The following BOD1L2 variants were observed in gnomAD, a reference collection of about 807,000 sequenced individuals.
BOD1L2 encodes the protein biorientation of chromosomes in cell division 1 like 2.
Under a neutral mutation model 5.3 loss-of-function variants are expected in BOD1L2, and 6 were observed. The ratio of observed to expected loss-of-function variants is 1.14; its 90% CI spans 0.62 to 2.25. The LOEUF is 2.25. BOD1L2 is among the 30% of genes most tolerant of loss of function. BOD1L2 has a pLI of 0.00. For missense variants in BOD1L2, 210 were observed against 227.2 expected (o/e 0.92, Z 0.49); for synonymous variants, 96 against 96.3 (o/e 1.00, Z 0.02).
Position 57,147,425 on chromosome 18 carries a change from T to C in BOD1L2, c.113T>C (p.Leu38Pro). 1 of 1,541,714 alleles carries C rather than the reference T, an allele frequency of 6.5e-7. No homozygotes were observed. Among genetic ancestry groups the C allele is most frequent in the South Asian group, 1.2e-5 (1 of 84,326 alleles). Residue 38 changes from leucine to proline, a missense_variant, in exon 1 of 1, where the codon CTC becomes CCC. Physicochemically the swap from Leu to Pro is moderately conservative, Grantham distance 98. Coordinates refer to ENST00000585477, the MANE Select transcript of BOD1L2 (RefSeq NM_001257964.2). ...PASLPPGDPQ[L>P]IAIIVGQLKS... ...TCGTTGCCCCCTGGCGACCCTCAGC[T>C]CATCGCTATCATCGTGGGGCAGCTC...
In BOD1L2 at chr18:57,148,027, C is replaced by T. The variant is rs2048936021; in HGVS notation, c.*196C>T. On this transcript the variant is annotated 3_prime_UTR_variant, in exon 1 of 1. Coordinates refer to ENST00000585477, the MANE Select transcript of BOD1L2 (RefSeq NM_001257964.2). Reference sequence around the variant, plus strand: ...GAGAGAAAGTTGACCGTGGCACCCTCCTGCATTGCGCTGCCATTTGGCCAG... The same window carrying T: ...GAGAGAAAGTTGACCGTGGCACCCTTCTGCATTGCGCTGCCATTTGGCCAG... 1.7e-6 allele frequency: 1 copy of T among 589,974 alleles called. No homozygotes were observed. Among genetic ancestry groups the T allele is most frequent in the Non-Finnish European group, 2.9e-6 (1 of 348,234 alleles). 36.5% of individuals were successfully genotyped at this position (589,974 alleles called of 1,614,324 possible).
Position 57,149,871 on chromosome 18 carries a change from T to A in BOD1L2, c.*2040T>A, listed in dbSNP as rs1044466962. The A allele has an allele frequency of 2.6e-5, 4 of 152,158 alleles. No homozygotes were observed. The highest frequency in any genetic ancestry group is 4.8e-5 in the African/African-American group (2 of 41,446). The allele number at this position is 152,158 out of a possible 1,614,324, so 9.4% of individuals were successfully genotyped here. A position where few individuals can be genotyped will look rare whatever the true frequency, so the allele number is the denominator to read the frequency against. On this transcript the variant is annotated 3_prime_UTR_variant, in exon 1 of 1. Coordinates refer to ENST00000585477, the MANE Select transcript of BOD1L2 (RefSeq NM_001257964.2). ...GCTTTTAAGAAATGTGTTGCGGAAG[T>A]GATTTTTGGTTTGGGGTTTGTTCTC...
rs79220676 is a variant in BOD1L2 at position 57,147,540 on chromosome 18, G to A, written c.228G>A (p.Ala76=). The A allele has an allele frequency of 0.035, 56,734 of 1,608,554 alleles. 1,250 individuals are homozygous for A. The highest frequency in any genetic ancestry group is 0.098 in the Admixed American group (5,775 of 59,212). The change falls in exon 1 of 1, where the codon GCG becomes GCA. Residue 76 remains alanine, a synonymous_variant. Coordinates refer to ENST00000585477, the MANE Select transcript of BOD1L2 (RefSeq NM_001257964.2). ...KPAYQNLSQK[A]DNFVSTHLDK... ...CTTACCAAAACCTGAGCCAGAAAGC[G>A]GATAATTTTGTGTCGACACATCTGG...
Position 57,147,384 on chromosome 18 carries a change from C to A in BOD1L2, c.72C>A (p.Gly24=). 1 of 1,528,122 alleles carries A rather than the reference C, an allele frequency of 6.5e-7. No homozygotes were observed. Among genetic ancestry groups the A allele is most frequent in the Admixed American group, 2.0e-5 (1 of 50,378 alleles). The allele number at this position is 1,528,122 out of a possible 1,614,324, so 94.7% of individuals were successfully genotyped here. A position where few individuals can be genotyped will look rare whatever the true frequency, so the allele number is the denominator to read the frequency against. ...PASTRASGGG[G]PINPASLPPG... ...CGACCCGGGCCAGCGGGGGCGGCGG[C>A]CCCATCAACCCGGCCTCGTTGCCCC... Residue 24 remains glycine (G), a synonymous_variant, in exon 1 of 1, where the codon GGC becomes GGA. Coordinates refer to ENST00000585477, the MANE Select transcript of BOD1L2 (RefSeq NM_001257964.2).
chr18:57,147,113 A>G lies in BOD1L2; in HGVS notation c.-200A>G, dbSNP rs991030195. ...GGCGGTTGCTGCCGCGTCTTCCACA[A>G]CCTCCGCGGTCTGGAGCTGGCCTCC... On this transcript the variant is annotated 5_prime_UTR_variant, in exon 1 of 1. Transcript: ENST00000585477. 1.4e-6 allele frequency: 1 copy of G among 713,464 alleles called. No individual in the cohort carries two copies. The highest frequency in any genetic ancestry group is 7.9e-5 in the East Asian group (1 of 12,586). The allele number at this position is 713,464 out of a possible 1,614,324, so 44.2% of individuals were successfully genotyped here.
rs1044001479 is a variant in BOD1L2, at chr18:57,147,993, A to G, written c.*162A>G. The G allele has an allele frequency of 3.6e-6, 3 of 825,830 alleles. No homozygotes were observed. Among genetic ancestry groups the G allele is most frequent in the Non-Finnish European group, 3.6e-6 (2 of 550,288 alleles). The allele number at this position is 825,830 out of a possible 1,614,324, so 51.2% of individuals were successfully genotyped here. A position where few individuals can be genotyped will look rare whatever the true frequency, so the allele number is the denominator to read the frequency against. On this transcript the variant is annotated 3_prime_UTR_variant, in exon 1 of 1. Transcript: ENST00000585477. ...CAGTGACCAGATTGAAAGGGAAGCA[A>G]GTTCGCCAGAGAGAAAGTTGACCGT...
In BOD1L2 at chr18:57,147,397, G is replaced by A; in HGVS notation, c.85G>A (p.Ala29Thr). 3.3e-6 allele frequency: 5 copies of A among 1,535,710 alleles called. No homozygotes were observed. Among genetic ancestry groups the A allele is most frequent in the South Asian group, 1.2e-5 (1 of 83,990 alleles). The change falls in exon 1 of 1, where the codon GCC (alanine) becomes ACC (threonine). Residue 29 changes from alanine to threonine, a missense_variant. Physicochemically the swap from Ala to Thr is moderately conservative, Grantham distance 58. Coordinates refer to ENST00000585477, the MANE Select transcript of BOD1L2 (RefSeq NM_001257964.2). ...CGGGGGCGGCGGCCCCATCAACCCG[G>A]CCTCGTTGCCCCCTGGCGACCCTCA... Reference protein sequence around the residue: ...ASGGGGPINPASLPPGDPQLI... With the variant: ...ASGGGGPINPTSLPPGDPQLI...
rs781491610 is a variant in BOD1L2, at chr18:57,147,597, C to T, written c.285C>T (p.Asp95=). Residue 95 remains aspartate (D), a synonymous_variant, in exon 1 of 1, where the codon GAC becomes GAT. Transcript: ENST00000585477. ...DKQEWNPPAN[D]NQLHDGLRQS... The stretch of plus-strand genomic sequence containing the variant: ...AGGAATGGAATCCTCCAGCAAACGA[C>T]AACCAACTGCACGATGGTCTGAGGC... 1.9e-6 allele frequency: 3 copies of T among 1,609,704 alleles called. No homozygotes were observed. The highest frequency in any genetic ancestry group is 1.7e-6 in the Non-Finnish European group (2 of 1,178,362).
At position 57,147,348 on chromosome 18, in the gene BOD1L2, G is replaced by A. The variant is rs1042038255; in HGVS notation, c.36G>A (p.Ala12=). The change falls in exon 1 of 1, where the codon GCG becomes GCA. Residue 12 remains alanine, a synonymous_variant. Coordinates refer to ENST00000585477, the MANE Select transcript of BOD1L2 (RefSeq NM_001257964.2). ...ADGGGGGSGG[A]GPASTRASGG... ...GTGGCGGCGGCGGCAGCGGCGGTGC[G>A]GGCCCGGCCTCGACCCGGGCCAGCG... The A allele has an allele frequency of 2.8e-6, 4 of 1,429,520 alleles. No homozygotes were observed. The highest frequency in any genetic ancestry group is 2.2e-4 in the Middle Eastern group (1 of 4,554). 88.6% of individuals were successfully genotyped at this position (1,429,520 alleles called of 1,614,324 possible). A position where few individuals can be genotyped will look rare whatever the true frequency, so the allele number is the denominator to read the frequency against.
Position 57,147,672 on chromosome 18 carries a change from T to C in BOD1L2, c.360T>C (p.Ser120=). The C allele has an allele frequency of 6.2e-7, 1 of 1,613,564 alleles. No homozygotes were observed. Among genetic ancestry groups the C allele is most frequent in the East Asian group, 2.2e-5 (1 of 44,874 alleles). ...GRSEAGVDRI[S]SQVVDPKLNH... ...CAGAAGCTGGAGTGGACAGGATTAGTTCTCAGGTGGTGGATCCAAAACTAA... is the reference window on the plus strand; with the variant it reads ...CAGAAGCTGGAGTGGACAGGATTAGCTCTCAGGTGGTGGATCCAAAACTAA... The change falls in exon 1 of 1, where the codon AGT becomes AGC. Residue 120 remains serine, a synonymous_variant. Transcript: ENST00000585477.
chr18:57,147,565 G>T lies in BOD1L2; in HGVS notation c.253G>T (p.Asp85Tyr). 1 of 1,612,642 alleles carries T rather than the reference G, an allele frequency of 6.2e-7. No individual in the cohort carries two copies. The highest frequency in any genetic ancestry group is 8.5e-7 in the Non-Finnish European group (1 of 1,179,576). ...GGATAATTTTGTGTCGACACATCTG[G>T]ACAAGCAGGAATGGAATCCTCCAGC... Reference protein sequence around the residue: ...KADNFVSTHLDKQEWNPPAND... With the variant: ...KADNFVSTHLYKQEWNPPAND... Residue 85 changes from aspartate (D) to tyrosine (Y), a missense_variant, in exon 1 of 1, where the codon GAC becomes TAC. Physicochemically the swap from Asp to Tyr is radical, Grantham distance 160 (BLOSUM62 -3). Coordinates refer to ENST00000585477, the MANE Select transcript of BOD1L2 (RefSeq NM_001257964.2).
In BOD1L2 at chr18:57,149,794, G is replaced by A. The variant is rs926250448; in HGVS notation, c.*1963G>A. ...TGAGATTTAAAATCACTCCATCTGA[G>A]ACCCCAGCTTGGCACCTATCTTTGC... On this transcript the variant is annotated 3_prime_UTR_variant, in exon 1 of 1. Coordinates refer to ENST00000585477, the MANE Select transcript of BOD1L2 (RefSeq NM_001257964.2). 1 of 152,154 alleles carries A rather than the reference G, an allele frequency of 6.6e-6. No individual in the cohort carries two copies. Among genetic ancestry groups the A allele is most frequent in the East Asian group, 1.9e-4 (1 of 5,190 alleles). 9.4% of individuals were successfully genotyped at this position (152,154 alleles called of 1,614,324 possible).
chr18:57,147,418 C>T lies in BOD1L2; in HGVS notation c.106C>T (p.Pro36Ser), dbSNP rs2048928470. 6.5e-7 allele frequency: 1 copy of T among 1,540,628 alleles called. No homozygotes were observed. The highest frequency in any genetic ancestry group is 1.4e-5 in the African/African-American group (1 of 73,076). Residue 36 changes from proline (P) to serine (S), a missense_variant, in exon 1 of 1, where the codon CCT becomes TCT. Pro to Ser is a moderately conservative substitution (Grantham distance 74). Transcript: ENST00000585477. Reference sequence around the variant, plus strand: ...CCCGGCCTCGTTGCCCCCTGGCGACCCTCAGCTCATCGCTATCATCGTGGG... The same window carrying T: ...CCCGGCCTCGTTGCCCCCTGGCGACTCTCAGCTCATCGCTATCATCGTGGG... ...INPASLPPGD[P>S]QLIAIIVGQL...
Position 57,149,831 on chromosome 18 carries a change from A to G in BOD1L2, c.*2000A>G, listed in dbSNP as rs1349067288. 1 of 152,220 alleles carries G rather than the reference A, an allele frequency of 6.6e-6. No individual in the cohort carries two copies. Among genetic ancestry groups the G allele is most frequent in the African/African-American group, 2.4e-5 (1 of 41,450 alleles). 9.4% of individuals were successfully genotyped at this position (152,220 alleles called of 1,614,324 possible). A position where few individuals can be genotyped will look rare whatever the true frequency, so the allele number is the denominator to read the frequency against. ...GCACCTATCTTTGCACTAACATAAA[A>G]GGAACCTAATTTCTGCTTTTAAGAA... On this transcript the variant is annotated 3_prime_UTR_variant, in exon 1 of 1. Coordinates refer to ENST00000585477, the MANE Select transcript of BOD1L2 (RefSeq NM_001257964.2).
Position 57,148,989 on chromosome 18 carries a change from C to G in BOD1L2, c.*1158C>G, listed in dbSNP as rs2048942434. ...ACGAAGCACTTGCTCTATTGCTCTA[C>G]AGCTGGCAGTGTACTAAACGCTTAA... On this transcript the variant is annotated 3_prime_UTR_variant, in exon 1 of 1. Coordinates refer to ENST00000585477, the MANE Select transcript of BOD1L2 (RefSeq NM_001257964.2). 1 of 152,264 alleles carries G rather than the reference C, an allele frequency of 6.6e-6. No homozygotes were observed. The highest frequency in any genetic ancestry group is 2.4e-5 in the African/African-American group (1 of 41,460). 9.4% of individuals were successfully genotyped at this position (152,264 alleles called of 1,614,324 possible). A position where few individuals can be genotyped will look rare whatever the true frequency, so the allele number is the denominator to read the frequency against.
chr18:57,147,560 A>T lies in BOD1L2; in HGVS notation c.248A>T (p.His83Leu). The T allele has an allele frequency of 6.2e-7, 1 of 1,612,448 alleles. No individual in the cohort carries two copies. Among genetic ancestry groups the T allele is most frequent in the East Asian group, 2.2e-5 (1 of 44,840 alleles). The change falls in exon 1 of 1, where the codon CAT (histidine) becomes CTT (leucine). Residue 83 changes from histidine to leucine, a missense_variant. Transcript: ENST00000585477. Reference sequence around the variant, plus strand: ...AAAGCGGATAATTTTGTGTCGACACATCTGGACAAGCAGGAATGGAATCCT... The same window carrying T: ...AAAGCGGATAATTTTGTGTCGACACTTCTGGACAAGCAGGAATGGAATCCT... ...SQKADNFVST[H>L]LDKQEWNPPA...
Position 57,150,319 on chromosome 18 carries a change from G to C in BOD1L2, c.*2488G>C, listed in dbSNP as rs1036880735. ...ACCGTGACTTGAGAGAGCTCATTAC[G>C]TGCGTGCGTGCATGCCTGCCCACTG... On this transcript the variant is annotated 3_prime_UTR_variant, in exon 1 of 1. Transcript: ENST00000585477. 1 of 82,736 alleles carries C rather than the reference G, an allele frequency of 1.2e-5. No individual in the cohort carries two copies. The highest frequency in any genetic ancestry group is 2.7e-5 in the Non-Finnish European group (1 of 37,070). 5.1% of individuals were successfully genotyped at this position (82,736 alleles called of 1,614,324 possible). A position where few individuals can be genotyped will look rare whatever the true frequency, so the allele number is the denominator to read the frequency against.
Position 57,147,196 on chromosome 18 carries a change from G to T in BOD1L2, c.-117G>T. The T allele has an allele frequency of 9.5e-7, 1 of 1,057,508 alleles. No homozygotes were observed. The highest frequency in any genetic ancestry group is 1.1e-6 in the Non-Finnish European group (1 of 873,410). 65.5% of individuals were successfully genotyped at this position (1,057,508 alleles called of 1,614,324 possible). A position where few individuals can be genotyped will look rare whatever the true frequency, so the allele number is the denominator to read the frequency against. On this transcript the variant is annotated 5_prime_UTR_variant, in exon 1 of 1. Transcript: ENST00000585477. ...CATCACCACCACCGTCACCTCCGCC[G>T]CTGCCTCCTTGGGGCCCTCCTCCTT...
Position 57,149,378 on chromosome 18 carries a change from A to C in BOD1L2, c.*1547A>C, listed in dbSNP as rs1428915393. ...ACCAGTTCTGGATTTGTCTTTTCCA[A>C]CATTTAATTTCTCAGATGGCAGTAT... On this transcript the variant is annotated 3_prime_UTR_variant, in exon 1 of 1. Transcript: ENST00000585477. 1 of 152,234 alleles carries C rather than the reference A, an allele frequency of 6.6e-6. No individual in the cohort carries two copies. The highest frequency in any genetic ancestry group is 1.5e-5 in the Non-Finnish European group (1 of 68,038). The allele number at this position is 152,234 out of a possible 1,614,324, so 9.4% of individuals were successfully genotyped here. A position where few individuals can be genotyped will look rare whatever the true frequency, so the allele number is the denominator to read the frequency against.
Sources: gnomAD v4.1 joint callset for allele counts on GRCh38, gnomAD v4.1.1 for gene constraint, MANE v1.5 for transcripts, NCBI Gene and HGNC (gene_info 2026-07-23, HGNC 2026-07-21) for gene names.